The following PREX1 variants were observed in gnomAD, a reference collection of about 807,000 sequenced individuals.
PREX1 encodes phosphatidylinositol 3,4,5-trisphosphate-dependent Rac exchanger 1 protein.
PREX1 carries 41 observed loss-of-function variants against 198.3 expected under a neutral mutation model. The ratio of observed to expected loss-of-function variants is 0.21; its 90% CI spans 0.16 to 0.27. The LOEUF (loss-of-function observed/expected upper bound fraction) is 0.27, where lower values mean the gene tolerates loss of function less well. PREX1 is among the 10% of genes least tolerant of loss of function. PREX1 has a pLI of 1.00. For missense variants in PREX1, 1,620 were observed against 2,200.7 expected, an observed-to-expected ratio of 0.74 and a Z score of 5.28; for synonymous variants, 843 against 887.2, an observed-to-expected ratio of 0.95 and a Z score of 0.89.
the PREX1 span, among the ~76,000 whole-genome samples, chr20:48,834,353 G>A: frequency 6.6e-6 from 1 of 152,112 alleles, no homozygotes; most frequent in Non-Finnish European, 1.5e-5. Context: ...ACATTTATAT[G>A]TCTGGGTTAT....
rs368084174 is a variant in PREX1 at position 48,679,593 on chromosome 20, C to G, written c.1539+58G>C. ...GCACAGGCCTGCTCTGAGGCGAACC[C>G]AGGGTGGAGGTGAACGAGGCCAGCT... On this transcript the variant is annotated intron_variant, in intron 12 of 39. Coordinates refer to ENST00000371941, the MANE Select transcript of PREX1 (RefSeq NM_020820.4). 4.6e-4 allele frequency: 702 copies of G among 1,513,556 alleles called. 10 individuals carry two copies. The South Asian group carries it at 7.4e-3, about 16-fold the overall frequency. The allele number at this position is 1,513,556 out of a possible 1,614,324, so 93.8% of individuals were successfully genotyped here. A position where few individuals can be genotyped will look rare whatever the true frequency, so the allele number is the denominator to read the frequency against.
rs147861800 is a variant in PREX1 at position 48,726,155 on chromosome 20, C to T, written c.621+135G>A. ...GCAGGGTGAACGAGAGAGAAAGAGG[C>T]AGGGTCCTGGTTTAAATCCAGCCCG... On this transcript the variant is annotated intron_variant, in intron 5 of 39. Transcript: ENST00000371941. 157 of 675,688 alleles carry T rather than the reference C, an allele frequency of 2.3e-4. 1 individual carries two copies. The East Asian group carries it at 4.2e-3, about 18-fold the overall frequency. 41.9% of individuals were successfully genotyped at this position (675,688 alleles called of 1,614,324 possible).
At chr20:48,640,642 TGAGGTCAGGGCAGTA>T (rs2089401949) in intron 29 of PREX1, among the ~76,000 whole-genome samples, 1 of 152,054 alleles carries the variant, frequency 6.6e-6, no homozygotes, top group Non-Finnish European at 1.5e-5. Context: ...ATGAGCTCCT[TGAGGTCAGGGCAGTA>T]TCAAATTCAT....
At chr20:48,783,792 A>T (rs1208978583) in intron 1 of PREX1, among the ~76,000 whole-genome samples, 1 of 152,130 alleles carries the variant, frequency 6.6e-6, no homozygotes, top group Non-Finnish European at 1.5e-5. Context: ...CTTCACCACT[A>T]CCTGTTACCC....
chr20:48,686,470 A>T (rs559972331), intron 10 of PREX1, among the ~76,000 whole-genome samples: 17 of 152,310 alleles, frequency 1.1e-4, no homozygotes, highest in South Asian at 8.3e-4. Flanking sequence ...ATCCTTCCTG[A>T]GGAGGCAGAA....
intron 1 of PREX1, among the ~76,000 whole-genome samples, chr20:48,766,892 G>A (rs897054995): frequency 2.0e-5 from 3 of 152,142 alleles, no homozygotes; most frequent in African/African-American, 7.2e-5. Flanking sequence ...AATAGACACT[G>A]TGTGATAACA....
intron 2 of PREX1, among the ~76,000 whole-genome samples, chr20:48,746,414 CT>C (rs1474393028): frequency 5.3e-5 from 8 of 152,222 alleles, no homozygotes; most frequent in Non-Finnish European, 1.2e-4. Flanking sequence ...GGTAAGTAAA[CT>C]GTGTTGCATT....
At position 48,642,247 on chromosome 20, in the gene PREX1, G is replaced by A. The variant is rs760331295; in HGVS notation, c.3696C>T (p.Ile1232=). The stretch of plus-strand genomic sequence containing the variant: ...TGACTGGCCCCTTGAGGAGAGCATT[G>A]ATGGAGTCCACCTGGGTGGCAAGAA... The part of the protein sequence containing the change: ...LEHLFNQVDS[I]NALLKGPVMS... Residue 1232 remains isoleucine (I), a synonymous_variant, in exon 29 of 40, where the codon ATC becomes ATT. Transcript: ENST00000371941. 1 of 1,614,222 alleles carries A rather than the reference G, an allele frequency of 6.2e-7. No homozygotes were observed. Among genetic ancestry groups the A allele is most frequent in the Non-Finnish European group, 8.5e-7 (1 of 1,180,024 alleles).
chr20:48,863,229 A>G, the PREX1 span, among the ~76,000 whole-genome samples: 7 of 152,174 alleles, frequency 4.6e-5, no homozygotes, highest in African/African-American at 1.7e-4. Context: ...ACTTTTCCCC[A>G]TTATTAACAC....
the PREX1 span, among the ~76,000 whole-genome samples, chr20:48,843,423 G>A: frequency 6.6e-6 from 1 of 152,166 alleles, no homozygotes; most frequent in Admixed American, 6.5e-5. Context: ...TCCCCACAAG[G>A]TTAACTGGAG....
chr20:48,663,910 G>GCACACACATACAAGTGTGAGTGCGCGCA (rs1555833040), intron 15 of PREX1, among the ~76,000 whole-genome samples: 29 of 150,124 alleles, frequency 1.9e-4, no homozygotes, highest in African/African-American at 6.8e-4. Context: ...GTGAGTGCGC[G>GCACACACATACAAGTGTGAGTGCGCGCA]CACACACACA....
At chr20:48,642,090 G>T in intron 29 of PREX1, 78 bp downstream of exon 29, 2 of 1,441,522 alleles carry the variant, frequency 1.4e-6, no homozygotes, top group Non-Finnish European at 1.9e-6. Flanking sequence ...GCAGAGCTGA[G>T]CATTAGCCCG....
chr20:48,752,878 C>T (rs2090140055), intron 1 of PREX1, among the ~76,000 whole-genome samples: 1 of 152,176 alleles, frequency 6.6e-6, no homozygotes, highest in Admixed American at 6.5e-5. Flanking sequence ...CATGAAGTAA[C>T]CACTGCCATG....
chr20:48,784,784 C>T (rs895793836), intron 1 of PREX1, among the ~76,000 whole-genome samples: 1 of 152,264 alleles, frequency 6.6e-6, no homozygotes, highest in African/African-American at 2.4e-5. Context: ...GCAGCTCCTT[C>T]CCACTCCACT....
chr20:48,827,816 C>G lies in PREX1; in HGVS notation c.45G>C (p.Gly15=). Residue 15 remains glycine (G), a synonymous_variant, in exon 1 of 40, where the codon GGG becomes GGC. Coordinates refer to ENST00000371941, the MANE Select transcript of PREX1 (RefSeq NM_020820.4). The surrounding 1 kb of genome is among the most constrained non-coding windows in gnomAD (Gnocchi z 4.1). ...SGSEPGGDGA[G]DCAHPDPRAP... ...CCCGGGGGTCCGGGTGGGCGCAGTCCCCGGCCCCGTCGCCGCCGGGCTCGC... is the reference window on the plus strand; with the variant it reads ...CCCGGGGGTCCGGGTGGGCGCAGTCGCCGGCCCCGTCGCCGCCGGGCTCGC... 6 of 1,015,622 alleles carry G rather than the reference C, an allele frequency of 5.9e-6. No homozygotes were observed. The highest frequency in any genetic ancestry group is 5.9e-6 in the Non-Finnish European group (5 of 848,342). 62.9% of individuals were successfully genotyped at this position (1,015,622 alleles called of 1,614,324 possible).
the PREX1 span, among the ~76,000 whole-genome samples, chr20:48,868,882 C>CT: frequency 1.3e-5 from 2 of 150,550 alleles, no homozygotes; most frequent in East Asian, 1.9e-4. Context: ...CTTTTTTTTT[C>CT]TTTTTTTTCT....
intron 1 of PREX1, among the ~76,000 whole-genome samples, chr20:48,821,357 G>A (rs776322005): frequency 2.6e-4 from 40 of 152,132 alleles, no homozygotes; most frequent in Non-Finnish European, 4.6e-4. Flanking sequence ...CTCTGGGGAC[G>A]CAATTTATGT....
rs200774333 is a variant in PREX1 at position 48,639,854 on chromosome 20, G to T, written c.3816C>A (p.Ser1272Arg). Residue 1272 changes from serine to arginine, a missense_variant, in exon 30 of 40, where the codon AGC (serine) becomes AGA (arginine). Coordinates refer to ENST00000371941, the MANE Select transcript of PREX1 (RefSeq NM_020820.4). ...CCTCCTGGATGCTAATCTGGATCAG[G>T]CTCCGGCCACGGATTGTACACTCTT... is the stretch of plus-strand genomic sequence containing the variant. Reference protein sequence around the residue: ...QKEECTIRGRSLIQISIQEDP... With the variant: ...QKEECTIRGRRLIQISIQEDP... 2.5e-6 allele frequency: 4 copies of T among 1,614,072 alleles called. No homozygotes were observed. Among genetic ancestry groups the T allele is most frequent in the Admixed American group, 3.3e-5 (2 of 60,024 alleles).
chr20:48,674,337 T>C (rs771338579), intron 14 of PREX1, among the ~76,000 whole-genome samples: 4 of 152,276 alleles, frequency 2.6e-5, no homozygotes, highest in African/African-American at 9.6e-5. Flanking sequence ...CTGTGATTTA[T>C]CAGCACGTAT....
Sources: gnomAD v4.1 joint callset for allele counts (sites outside exome capture counted in the v4.1 genomes callset) on GRCh38, gnomAD v4.1.1 for gene constraint, Gnocchi (gnomAD v3.1) non-coding constraint, MANE v1.5 for transcripts, NCBI Gene and HGNC (gene_info 2026-07-23, HGNC 2026-07-21) for gene names.